The following RALYL variants were observed in gnomAD, a reference collection of about 807,000 sequenced individuals.
The protein encoded by RALYL is RALY RNA binding protein like, also known as RNA-binding Raly-like protein.
RALYL carries 29 observed loss-of-function variants against 35.1 expected under a neutral mutation model. The observed-to-expected ratio is 0.83, with a 90% confidence interval of 0.61 to 1.13. The LOEUF (loss-of-function observed/expected upper bound fraction) is 1.13. Ranked by LOEUF, RALYL falls within the 50% of genes most tolerant of loss-of-function variation. RALYL has a pLI of 0.00. For synonymous variants in RALYL, 120 were observed against 127.6 expected (o/e 0.94, Z 0.40); for missense variants, 359 against 360.4 (o/e 1.00, Z 0.03).
At chr8:84,542,218 CT>C (rs1218602615) in intron 2 of RALYL, among the ~76,000 whole-genome samples, 1 of 151,956 alleles carries the variant, frequency 6.6e-6, no homozygotes, top group Non-Finnish European at 1.5e-5. Flanking sequence ...TACCATTTTA[CT>C]TTTTTTATAC....
At chr8:84,483,958 T>C (rs1024800241) in intron 1 of RALYL, among the ~76,000 whole-genome samples, 3 of 152,122 alleles carry the variant, frequency 2.0e-5, no homozygotes, top group Admixed American at 6.6e-5. Context: ...TTGAGATATG[T>C]AAATTTTTTT....
chr8:84,265,106 G>A (rs1439615090), intron 1 of RALYL, among the ~76,000 whole-genome samples: 2 of 152,294 alleles, frequency 1.3e-5, no homozygotes, highest in South Asian at 2.1e-4. Flanking sequence ...TCTTTTTCTA[G>A]AGAAAGATAA....
chr8:84,473,271 A>G (rs1276687768), intron 1 of RALYL, among the ~76,000 whole-genome samples: 1 of 151,858 alleles, frequency 6.6e-6, no homozygotes, highest in Non-Finnish European at 1.5e-5. Flanking sequence ...AAAGTTTTAC[A>G]TTCATCAGAT....
chr8:84,600,669 A>G (rs1031282048), intron 2 of RALYL, among the ~76,000 whole-genome samples: 1 of 152,140 alleles, frequency 6.6e-6, no homozygotes, highest in Non-Finnish European at 1.5e-5. Flanking sequence ...AGCTATGCCA[A>G]GCTGATCTGG....
intron 2 of RALYL, among the ~76,000 whole-genome samples, chr8:84,659,450 G>T (rs1830518008): frequency 6.6e-6 from 1 of 152,040 alleles, no homozygotes; most frequent in Admixed American, 6.6e-5. Flanking sequence ...GTGAGCCTTT[G>T]GTCAATGGAA....
At chr8:84,526,971 C>T (rs1310876293) in intron 1 of RALYL, among the ~76,000 whole-genome samples, 2 of 152,120 alleles carry the variant, frequency 1.3e-5, no homozygotes, top group Non-Finnish European at 2.9e-5. Flanking sequence ...GTCACTGTTA[C>T]TCCATCGTGG....
chr8:84,492,465 A>G (rs2055440466), intron 1 of RALYL, among the ~76,000 whole-genome samples: 1 of 152,118 alleles, frequency 6.6e-6, no homozygotes, highest in Non-Finnish European at 1.5e-5. Flanking sequence ...AATTACATTG[A>G]AACTCCTTTG....
At chr8:84,698,757 C>T (rs1321880073) in intron 2 of RALYL, among the ~76,000 whole-genome samples, 1 of 152,100 alleles carries the variant, frequency 6.6e-6, no homozygotes, top group African/African-American at 2.4e-5. Flanking sequence ...GAAGGCAGAA[C>T]TCTGAGAAGT....
At position 84,914,996 on chromosome 8, in the gene RALYL, G is replaced by C. The variant is rs546919427; in HGVS notation, c.859-5898G>C. Among the ~76,000 whole-genome samples the C allele has an allele frequency of 2.6e-5, 4 of 152,168 alleles. No homozygotes were observed. In the South Asian group the frequency reaches 8.3e-4, roughly 32 times the overall value. ...ATCAGAGAAAGCTCTAGTCTGGGCA[G>C]ACAGGCAAATCATTCATTCTCTGAT... On this transcript the variant is annotated intron_variant, in intron 8 of 8. Transcript: ENST00000521268.
chr8:84,589,419 T>A (rs1812732899), intron 2 of RALYL, among the ~76,000 whole-genome samples: 1 of 152,230 alleles, frequency 6.6e-6, no homozygotes, highest in South Asian at 2.1e-4. Context: ...ATTACCAGAT[T>A]ACTGTATTAA....
chr8:84,785,024 A>G (rs914231983), intron 3 of RALYL, among the ~76,000 whole-genome samples: 1 of 152,296 alleles, frequency 6.6e-6, no homozygotes, highest in Non-Finnish European at 1.5e-5. Flanking sequence ...TGTTTATTGT[A>G]TGAAGGAATC....
intron 2 of RALYL, among the ~76,000 whole-genome samples, chr8:84,742,924 T>C (rs1174867372): frequency 6.6e-6 from 1 of 152,026 alleles, no homozygotes; most frequent in Non-Finnish European, 1.5e-5. Context: ...AAGTTACTAC[T>C]ACTTATTGAG....
At chr8:84,516,995 A>G (rs940331225) in intron 1 of RALYL, among the ~76,000 whole-genome samples, 14 of 152,216 alleles carry the variant, frequency 9.2e-5, no homozygotes, top group African/African-American at 3.4e-4. Context: ...AATCTCTGGA[A>G]TCTGACCTCT....
At position 84,800,375 on chromosome 8, in the gene RALYL, T is replaced by A. The variant is rs574916636; in HGVS notation, c.333-4395T>A. Among the ~76,000 whole-genome samples the A allele has an allele frequency of 2.6e-5, 4 of 152,338 alleles. No individual in the cohort carries two copies. The East Asian group carries it at 7.7e-4, about 29-fold the overall frequency. ...ACTACCTCAGATTGTATCATGACGT[T>A]TAAATAAATTAGTGTTTATAAAGAA... On this transcript the variant is annotated intron_variant, in intron 3 of 8. Transcript: ENST00000521268.
At chr8:84,223,098 C>CTTTCT (rs1484344423) in intron 1 of RALYL, among the ~76,000 whole-genome samples, 5 of 88,648 alleles carry the variant, frequency 5.6e-5, no homozygotes. Flanking sequence ...CTTTCCTTTC[C>CTTTCT]TTTCCTTTCC....
In RALYL at chr8:84,185,333, C is replaced by G. The variant is rs1812246862; in HGVS notation, c.-24+909C>G. Reference sequence around the variant, plus strand: ...GGCTCTAAAGGTTTTCCCCTGAGAACTGTGTACAGGGCAGGAGTGAGGGGT... The same window carrying G: ...GGCTCTAAAGGTTTTCCCCTGAGAAGTGTGTACAGGGCAGGAGTGAGGGGT... On this transcript the variant is annotated intron_variant, in intron 1 of 8. Coordinates refer to ENST00000521268, the MANE Select transcript of RALYL (RefSeq NM_173848.7). 6 of 423,810 alleles carry G rather than the reference C, an allele frequency of 1.4e-5. No homozygotes were observed. The East Asian group carries it at 2.9e-4, about 20-fold the overall frequency. The allele number at this position is 423,810 out of a possible 1,614,324, so 26.3% of individuals were successfully genotyped here. A position where few individuals can be genotyped will look rare whatever the true frequency, so the allele number is the denominator to read the frequency against.
chr8:84,573,698 G>T (rs771905773), intron 2 of RALYL, among the ~76,000 whole-genome samples: 5 of 151,736 alleles, frequency 3.3e-5, no homozygotes, highest in Non-Finnish European at 7.4e-5. Context: ...TGAAGTTCCT[G>T]TCAGTTCTCA....
At chr8:84,666,808 G>C (rs1450524414) in intron 2 of RALYL, among the ~76,000 whole-genome samples, 1 of 152,040 alleles carries the variant, frequency 6.6e-6, no homozygotes, top group Non-Finnish European at 1.5e-5. Context: ...TTGGGATAAA[G>C]GGCCAGTTGA....
chr8:84,297,361 C>T (rs113779774), intron 1 of RALYL, among the ~76,000 whole-genome samples: 1 of 152,030 alleles, frequency 6.6e-6, no homozygotes, highest in South Asian at 2.1e-4. Context: ...CCACCTCCAT[C>T]CATGTTGCTG....
Sources: allele counts gnomAD v4.1 joint callset (sites outside exome capture counted in the v4.1 genomes callset), GRCh38; gene constraint gnomAD v4.1.1; transcripts MANE v1.5; gene names NCBI Gene and HGNC (gene_info 2026-07-23, HGNC 2026-07-21).